ZHX2: variants seen among roughly 807,000 people sequenced by gnomAD.
The protein encoded by ZHX2 is zinc fingers and homeoboxes 2.
A neutral mutation model predicts 21.9 loss-of-function variants in ZHX2; 6 were observed. The ratio of observed to expected loss-of-function variants is 0.27; its 90% confidence interval spans 0.15 to 0.54. ZHX2 has a LOEUF of 0.54. Among genes scored for constraint, ZHX2 ranks in the 20% least tolerant of loss-of-function variants. The pLI, the probability that ZHX2 is intolerant of heterozygous loss-of-function variation, is 0.95. For missense variants in ZHX2, 908 were observed against 1,090.7 expected (o/e 0.83, Z 2.36); for synonymous variants, 434 against 437.1 (o/e 0.99, Z 0.09).
At position 122,843,488 on chromosome 8, in the gene ZHX2, C is replaced by G. The variant is rs567411585; in HGVS notation, c.-282-19989C>G. ...TTCATTAGTTCCCCACAAATTGTAT[C>G]CTACTGGTAGTGGCCTTTGGCCCCC... On this transcript the variant is annotated intron_variant, in intron 1 of 3. Coordinates refer to ENST00000314393, the MANE Select transcript of ZHX2 (RefSeq NM_014943.5). Among the ~76,000 whole-genome samples, 12 of 152,336 alleles carry G rather than the reference C, an allele frequency of 7.9e-5. No homozygotes were observed. In the East Asian group the frequency reaches 2.1e-3, roughly 27 times the overall value.
At chr8:122,888,548 C>T (rs1819901321) in intron 2 of ZHX2, among the ~76,000 whole-genome samples, 2 of 152,158 alleles carry the variant, frequency 1.3e-5, no homozygotes, top group African/African-American at 4.8e-5. Context: ...GTGGTGCGAT[C>T]TTGGCTCACT....
intron 2 of ZHX2, among the ~76,000 whole-genome samples, chr8:122,883,054 A>T (rs1353104655): frequency 6.6e-6 from 1 of 152,022 alleles, no homozygotes; most frequent in Non-Finnish European, 1.5e-5. Flanking sequence ...TTCTCATTGC[A>T]TTTGGCCTGA....
chr8:122,876,579 C>T lies in ZHX2; in HGVS notation c.-220+13040C>T, dbSNP rs117634280. On this transcript the variant is annotated intron_variant, in intron 2 of 3. Coordinates refer to ENST00000314393, the MANE Select transcript of ZHX2 (RefSeq NM_014943.5). The stretch of plus-strand genomic sequence containing the variant: ...CTGGAGGCTGGGAGCCAACGTGATG[C>T]CAGGCCTTGGTTACAAGCAGCAATT... Among the ~76,000 whole-genome samples, 97 of 152,232 alleles carry T rather than the reference C, an allele frequency of 6.4e-4. No individual in the cohort carries two copies. In the East Asian group the frequency reaches 0.014, roughly 22 times the overall value.
At chr8:122,883,672 T>C (rs1819768522) in intron 2 of ZHX2, among the ~76,000 whole-genome samples, 1 of 152,198 alleles carries the variant, frequency 6.6e-6, no homozygotes, top group Non-Finnish European at 1.5e-5. Flanking sequence ...ATGTCACATA[T>C]GGTTTAGAAA....
At chr8:122,913,813 C>G (rs966285449) in intron 2 of ZHX2, among the ~76,000 whole-genome samples, 2 of 152,206 alleles carry the variant, frequency 1.3e-5, no homozygotes, top group Non-Finnish European at 2.9e-5. Flanking sequence ...ACTTGGTCCT[C>G]TCTTATGACA....
chr8:122,867,794 C>A (rs1251234212), intron 2 of ZHX2, among the ~76,000 whole-genome samples: 2 of 152,174 alleles, frequency 1.3e-5, no homozygotes, highest in African/African-American at 4.8e-5. Context: ...AATGCTATTT[C>A]TTTTCCCCCG....
chr8:122,865,022 C>T (rs1276874811), intron 2 of ZHX2, among the ~76,000 whole-genome samples: 1 of 151,990 alleles, frequency 6.6e-6, no homozygotes, highest in Non-Finnish European at 1.5e-5. Context: ...GGATGAGAAT[C>T]GAGTTTGACA....
At chr8:122,855,639 T>C (rs1224213244) in intron 1 of ZHX2, among the ~76,000 whole-genome samples, 2 of 152,102 alleles carry the variant, frequency 1.3e-5, no homozygotes, top group Admixed American at 6.6e-5. Context: ...ATTTATGCGC[T>C]CACACACACA....
At chr8:122,924,784 A>G (rs904764086) in intron 2 of ZHX2, among the ~76,000 whole-genome samples, 6 of 152,232 alleles carry the variant, frequency 3.9e-5, no homozygotes, top group Non-Finnish European at 7.3e-5. Flanking sequence ...AGACAGAGAA[A>G]AAATGGTCCA....
intron 1 of ZHX2, among the ~76,000 whole-genome samples, chr8:122,820,596 T>C (rs1318432244): frequency 2.0e-5 from 3 of 152,150 alleles, no homozygotes; most frequent in Non-Finnish European, 2.9e-5. Context: ...GCTCAGCTGC[T>C]GTCTTGGGAT....
At chr8:122,969,950 G>T (rs758777249) in intron 3 of ZHX2, among the ~76,000 whole-genome samples, 1 of 152,230 alleles carries the variant, frequency 6.6e-6, no homozygotes, top group Non-Finnish European at 1.5e-5. Flanking sequence ...TTTTGCTAAA[G>T]AATTAGTACT....
chr8:122,867,804 G>A (rs960212633), intron 2 of ZHX2, among the ~76,000 whole-genome samples: 5 of 152,108 alleles, frequency 3.3e-5, no homozygotes, highest in South Asian at 2.1e-4. Context: ...CTTTTCCCCC[G>A]TACCACCTCC....
Position 122,951,274 on chromosome 8 carries a change from C to G in ZHX2, c.-219-18C>G, listed in dbSNP as rs1025787127. 3 of 518,686 alleles carry G rather than the reference C, an allele frequency of 5.8e-6. No individual in the cohort carries two copies. The highest frequency in any genetic ancestry group is 5.7e-5 in the African/African-American group (3 of 52,424). 32.1% of individuals were successfully genotyped at this position (518,686 alleles called of 1,614,324 possible). On this transcript the variant is annotated intron_variant, in intron 2 of 3. Transcript: ENST00000314393. ...CGTTGTGAAGAGACACTGACCCTGTCTTTGTTCTTGTCCACAGATATGATG... is the reference window on the plus strand; with the variant it reads ...CGTTGTGAAGAGACACTGACCCTGTGTTTGTTCTTGTCCACAGATATGATG...
At chr8:122,852,687 G>T (rs1818927688) in intron 1 of ZHX2, among the ~76,000 whole-genome samples, 1 of 152,160 alleles carries the variant, frequency 6.6e-6, no homozygotes, top group African/African-American at 2.4e-5. Flanking sequence ...GAGGAGTTTT[G>T]AGTCATGGGC....
At chr8:122,948,377 G>T (rs1029140985) in intron 2 of ZHX2, among the ~76,000 whole-genome samples, 1 of 151,926 alleles carries the variant, frequency 6.6e-6, no homozygotes, top group Admixed American at 6.6e-5. Context: ...CTCTATTCTC[G>T]GTTCTGGGTT....
At chr8:122,942,446 TGCGATGAGAC>T (rs1241273325) in intron 2 of ZHX2, among the ~76,000 whole-genome samples, 3 of 152,186 alleles carry the variant, frequency 2.0e-5, no homozygotes, top group African/African-American at 7.2e-5. Context: ...TGAAAAGCTC[TGCGATGAGAC>T]GTGGCATCCC....
upstream of ZHX2, chr8:122,780,434 C>G (rs2130493651): frequency 6.6e-6 from 1 of 152,502 alleles, no homozygotes; most frequent in Non-Finnish European, 1.5e-5. Flanking sequence ...ATCCCCTCGT[C>G]CCCGCCCGGG....
At chr8:122,880,022 G>C (rs1448632807) in intron 2 of ZHX2, among the ~76,000 whole-genome samples, 2 of 143,998 alleles carry the variant, frequency 1.4e-5, no homozygotes, top group Non-Finnish European at 3.0e-5. Flanking sequence ...GTCCAGGCTA[G>C]AGTACAGTGG....
At chr8:122,854,980 A>T (rs1345749066) in intron 1 of ZHX2, among the ~76,000 whole-genome samples, 1 of 152,206 alleles carries the variant, frequency 6.6e-6, no homozygotes, top group Non-Finnish European at 1.5e-5. Context: ...CACCTGATAC[A>T]GTATTCTAAG....
Sources: allele counts gnomAD v4.1 joint callset (sites outside exome capture counted in the v4.1 genomes callset), GRCh38; gene constraint gnomAD v4.1.1; transcripts MANE v1.5; gene names NCBI Gene and HGNC (gene_info 2026-07-23, HGNC 2026-07-21).